The following NF1 variants were observed in gnomAD, a reference collection of about 807,000 sequenced individuals.
NF1 encodes the protein neurofibromin.
In NF1, 122 loss-of-function variants were observed where a neutral mutation model predicts 325.7. The observed-to-expected ratio is 0.37, with a 90% CI of 0.32 to 0.44. NF1 has a LOEUF of 0.44. NF1 is among the 20% of genes least tolerant of loss of function. The pLI is 1.00. For synonymous variants in NF1, 1,091 were observed against 1,186.0 expected, an observed-to-expected ratio of 0.92 and a Z score of 1.65; for missense variants, 2,140 against 3,415.4, an observed-to-expected ratio of 0.63 and a Z score of 9.31.
chr17:31,160,739 T>A (rs1008891450), intron 3 of NF1, among the ~76,000 whole-genome samples: 1 of 152,338 alleles, frequency 6.6e-6, no homozygotes, highest in Admixed American at 6.5e-5. Context: ...TTCACAGCTT[T>A]TCTCCATTAA....
chr17:31,223,899 C>T (rs1294773317), intron 16 of NF1, among the ~76,000 whole-genome samples: 5 of 152,142 alleles, frequency 3.3e-5, no homozygotes, highest in Middle Eastern at 3.2e-3. Context: ...TAAGTTCATA[C>T]ATAAGACATA....
chr17:31,139,379 C>CACAT (rs1555602532), intron 1 of NF1, among the ~76,000 whole-genome samples: 1 of 142,268 alleles, frequency 7.0e-6, no homozygotes, highest in African/African-American at 2.8e-5. Flanking sequence ...TACACAGACA[C>CACAT]ACACACACAC....
intron 36 of NF1, among the ~76,000 whole-genome samples, chr17:31,290,458 G>A (rs952287028): frequency 1.3e-5 from 2 of 152,042 alleles, no homozygotes; most frequent in African/African-American, 4.8e-5. Flanking sequence ...TTTACTGTGT[G>A]CTAGGCACTG....
At chr17:31,137,996 G>A (rs1391496693) in intron 1 of NF1, 1 of 150,450 alleles carries the variant, frequency 6.6e-6, no homozygotes, top group Non-Finnish European at 1.5e-5. Context: ...TTTTTTATTT[G>A]TCCTTGCTAT....
intron 12 of NF1, among the ~76,000 whole-genome samples, chr17:31,209,215 T>C (rs1294045011): frequency 6.6e-6 from 1 of 152,224 alleles, no homozygotes; most frequent in African/African-American, 2.4e-5. Flanking sequence ...TGAGAACTAC[T>C]GTATTACAGA....
intron 36 of NF1, chr17:31,321,928 A>G (rs543526652): frequency 1.3e-5 from 2 of 152,302 alleles, no homozygotes; most frequent in East Asian, 3.9e-4. Flanking sequence ...TCTCTAAAAG[A>G]CTTATTTGAA....
rs139384924 is a variant in NF1 at position 31,360,866 on chromosome 17, T to TGAAG, written c.8377+164_8377+167dup. 6.6e-3 allele frequency: 4,485 copies of TGAAG among 678,086 alleles called. 169 individuals carry two copies. The African/African-American group carries it at 0.07, about 11-fold the overall frequency. 42.0% of individuals were successfully genotyped at this position (678,086 alleles called of 1,614,324 possible). A position where few individuals can be genotyped will look rare whatever the true frequency, so the allele number is the denominator to read the frequency against. On this transcript the variant is annotated intron_variant, in intron 57 of 57. Transcript: ENST00000358273. ...AACTGACTTGACTTTTGTTATTCTA[T>TGAAG]GAAGCTTTCTACTTTCAAACAAGTT... is the stretch of plus-strand genomic sequence containing the variant.
chr17:31,304,728 T>C, intron 36 of NF1: 1 of 1,614,202 alleles, frequency 6.2e-7, no homozygotes, highest in Non-Finnish European at 8.5e-7. Flanking sequence ...TGTTTTCACT[T>C]GATTCAAACA....
At chr17:31,197,344 CTTTT>C (rs61619278) in intron 8 of NF1, among the ~76,000 whole-genome samples, 3 of 99,288 alleles carry the variant, frequency 3.0e-5, no homozygotes, top group African/African-American at 3.9e-5. Flanking sequence ...CCGCGCCTGG[CTTTT>C]TTTTTTTTTT....
chr17:31,204,304 G>A (rs769865508), intron 11 of NF1, among the ~76,000 whole-genome samples: 6 of 152,026 alleles, frequency 3.9e-5, no homozygotes, highest in Non-Finnish European at 8.8e-5. Context: ...TCTACTGAGA[G>A]GTTGTAGTTG....
intron 1 of NF1, among the ~76,000 whole-genome samples, chr17:31,098,791 G>GT (rs762592697): frequency 4.3e-4 from 66 of 152,016 alleles, no homozygotes; most frequent in Non-Finnish European, 5.7e-4. Flanking sequence ...AATTAGCTGG[G>GT]TGTGGTGGTG....
intron 57 of NF1, among the ~76,000 whole-genome samples, chr17:31,370,752 C>T (rs532439103): frequency 1.3e-5 from 2 of 152,212 alleles, no homozygotes; most frequent in East Asian, 1.9e-4. Context: ...AAGAACGAGC[C>T]CCAGGGTAGC....
At chr17:31,264,463 A>G (rs926894227) in intron 35 of NF1, among the ~76,000 whole-genome samples, 5 of 152,134 alleles carry the variant, frequency 3.3e-5, no homozygotes, top group African/African-American at 1.2e-4. Flanking sequence ...TAAGCAAATT[A>G]CCTAGCATAC....
At chr17:31,264,489 A>G (rs1057204654) in intron 35 of NF1, among the ~76,000 whole-genome samples, 7 of 152,184 alleles carry the variant, frequency 4.6e-5, no homozygotes, top group African/African-American at 1.7e-4. Flanking sequence ...GTATAGACAG[A>G]TAAATGGAAA....
intron 1 of NF1, among the ~76,000 whole-genome samples, chr17:31,139,678 T>C (rs1370769197): frequency 6.6e-6 from 1 of 152,172 alleles, no homozygotes; most frequent in Non-Finnish European, 1.5e-5. Flanking sequence ...CCAGAAAATA[T>C]TGCGTGGTTG....
rs1218464470 is a variant in NF1 at position 31,235,993 on chromosome 17, C to T, written c.3946C>T (p.His1316Tyr). The T allele has an allele frequency of 6.2e-7, 1 of 1,613,736 alleles. No individual in the cohort carries two copies. Among genetic ancestry groups the T allele is most frequent in the Non-Finnish European group, 8.5e-7 (1 of 1,179,894 alleles). ...TGTGATCACATCCTCTGATTGGCAA[C>T]ATGTTAGCTTTGAAGTGGATCCTAC... ...RIVITSSDWQ[H>Y]VSFEVDPTRL... Residue 1316 changes from histidine to tyrosine, a missense_variant, in exon 29 of 58, where the codon CAT (histidine) becomes TAT (tyrosine). Around this residue, in one of 10 missense-constraint regions of NF1, gnomAD observed 336 missense variants for 399.0 expected, o/e 0.84. Transcript: ENST00000358273.
intron 4 of NF1, among the ~76,000 whole-genome samples, chr17:31,164,071 A>C (rs1327524141): frequency 6.6e-6 from 1 of 152,120 alleles, no homozygotes. Context: ...TACTTCCCTC[A>C]TTTTACAGGT....
rs1190137765 is a variant in NF1 at position 31,360,674 on chromosome 17, C to A, written c.8348C>A (p.Thr2783Asn). The change falls in exon 57 of 58, where the codon ACC (threonine) becomes AAC (asparagine). Residue 2783 changes from threonine (T) to asparagine (N), a missense_variant. This residue lies in a region of NF1 where 522 missense variants were observed against 749.0 expected (regional missense o/e 0.70). Coordinates refer to ENST00000358273, the MANE Select transcript of NF1 (RefSeq NM_001042492.3). ...TANLNLSNSMTSLATSQHSPG... is the reference protein window; with the variant it reads ...TANLNLSNSMNSLATSQHSPG... Reference sequence around the variant, plus strand: ...AACCTTAACCTTTCTAATTCCATGACCTCACTTGCAACTTCCCAGCATTCC... The same window carrying A: ...AACCTTAACCTTTCTAATTCCATGAACTCACTTGCAACTTCCCAGCATTCC... 1 of 1,614,084 alleles carries A rather than the reference C, an allele frequency of 6.2e-7. No homozygotes were observed. The highest frequency in any genetic ancestry group is 8.5e-7 in the Non-Finnish European group (1 of 1,179,964).
intron 3 of NF1, 91 bp downstream of exon 3, chr17:31,159,184 C>T: frequency 1.1e-6 from 1 of 901,564 alleles, no homozygotes; most frequent in Admixed American, 1.8e-5. Flanking sequence ...ACCAAGAGGA[C>T]AGTCCTATGG....
Sources: gnomAD v4.1 joint callset for allele counts (sites outside exome capture counted in the v4.1 genomes callset) on GRCh38, gnomAD v4.1.1 for gene constraint, gnomAD v4.1.1 regional missense constraint, MANE v1.5 for transcripts, NCBI Gene and HGNC (gene_info 2026-07-23, HGNC 2026-07-21) for gene names.